KATNA1: variants seen among roughly 807,000 people sequenced by gnomAD.
KATNA1 encodes the protein katanin p60 ATPase-containing subunit A1.
A neutral mutation model predicts 62.6 loss-of-function variants in KATNA1; 42 were observed. The observed-to-expected ratio is 0.67, with a 90% CI of 0.52 to 0.87. The LOEUF (loss-of-function observed/expected upper bound fraction) is 0.87. KATNA1 is among the 40% of genes least tolerant of loss of function. The pLI, the probability that KATNA1 is intolerant of heterozygous loss-of-function variation, is 0.00. For missense variants in KATNA1, 498 were observed against 612.5 expected (o/e 0.81, Z 1.97); for synonymous variants, 186 against 201.9 (o/e 0.92, Z 0.67).
intron 3 of KATNA1, chr6:149,631,304 CAGG>C (rs1263796257): frequency 6.6e-6 from 1 of 152,114 alleles, no homozygotes; most frequent in African/African-American, 2.4e-5. Flanking sequence ...GGGGTTGAGG[CAGG>C]AGAATTGCTT....
rs549370475 is a variant in KATNA1 at position 149,606,799 on chromosome 6, T to C, written c.502-2017A>G. On this transcript the variant is annotated intron_variant, in intron 4 of 10. Transcript: ENST00000367411. ...ATGCCTGGCTAACTTTTTATATTTTTAGTAGAGATGGGGTTTCACCATGTC... is the reference window on the plus strand; with the variant it reads ...ATGCCTGGCTAACTTTTTATATTTTCAGTAGAGATGGGGTTTCACCATGTC... 3.3e-5 allele frequency among the ~76,000 whole-genome samples: 5 copies of C among 152,162 alleles called. No individual in the cohort carries two copies. The South Asian group carries it at 1.0e-3, about 32-fold the overall frequency.
At chr6:149,613,096 C>T (rs906267928) in intron 4 of KATNA1, among the ~76,000 whole-genome samples, 8 of 138,350 alleles carry the variant, frequency 5.8e-5, no homozygotes, top group Non-Finnish European at 1.2e-4. Context: ...AGGAGAATGG[C>T]GTGAACCCGG....
At chr6:149,610,519 A>G (rs1778910689) in intron 4 of KATNA1, among the ~76,000 whole-genome samples, 1 of 152,186 alleles carries the variant, frequency 6.6e-6, no homozygotes, top group Non-Finnish European at 1.5e-5. Context: ...TCAAAGCACA[A>G]AAGATTCAAA....
intron 1 of KATNA1, among the ~76,000 whole-genome samples, chr6:149,644,390 G>A (rs920639122): frequency 6.6e-6 from 1 of 152,004 alleles, no homozygotes; most frequent in African/African-American, 2.4e-5. Flanking sequence ...GGGTGCCAAG[G>A]TGGGAGGATT....
chr6:149,622,788 T>C (rs999373635), intron 4 of KATNA1, among the ~76,000 whole-genome samples: 3 of 150,088 alleles, frequency 2.0e-5, no homozygotes, highest in African/African-American at 4.9e-5. Context: ...GGCGCGCAGA[T>C]AACCTGAGGT....
rs1778407467 is a variant in KATNA1 at position 149,598,355 on chromosome 6, A to G, written c.889-5T>C. 2 of 1,613,236 alleles carry G rather than the reference A, an allele frequency of 1.2e-6. No homozygotes were observed. Among genetic ancestry groups the G allele is most frequent in the East Asian group, 4.5e-5 (2 of 44,872 alleles). ...GGCTGGAGAATAAAATCGAGCCTAA[A>G]GGAAGAAACCATGCAATATCAAGCT... is the stretch of plus-strand genomic sequence containing the variant. On this transcript the variant is annotated splice_polypyrimidine_tract_variant and splice_region_variant and intron_variant, in intron 7 of 10. Transcript: ENST00000367411.
chr6:149,624,717 C>T (rs1423667442), intron 3 of KATNA1, among the ~76,000 whole-genome samples: 6 of 151,986 alleles, frequency 3.9e-5, no homozygotes, highest in African/African-American at 1.4e-4. Context: ...ATTCAGACTT[C>T]TCAAATATCT....
chr6:149,616,124 A>T (rs959153724), intron 4 of KATNA1, among the ~76,000 whole-genome samples: 2 of 152,204 alleles, frequency 1.3e-5, no homozygotes, highest in African/African-American at 4.8e-5. Flanking sequence ...CAAGATGAAG[A>T]GATCTGAAAA....
In KATNA1 at chr6:149,623,399, G is replaced by A. The variant is rs896750427; in HGVS notation, c.321-116C>T. ...AAGCCAATGCAACAACTGAACACAA[G>A]ACACGACTGAATAAACTTCAGGATG... On this transcript the variant is annotated intron_variant, in intron 3 of 10. Transcript: ENST00000367411. 3 of 649,358 alleles carry A rather than the reference G, an allele frequency of 4.6e-6. No homozygotes were observed. In the African/African-American group the frequency reaches 5.6e-5, roughly 12 times the overall value. The allele number at this position is 649,358 out of a possible 1,614,324, so 40.2% of individuals were successfully genotyped here.
chr6:149,645,498 T>TGTAA (rs1780452806), intron 1 of KATNA1, among the ~76,000 whole-genome samples: 1 of 148,468 alleles, frequency 6.7e-6, no homozygotes, highest in Non-Finnish European at 1.5e-5. Flanking sequence ...ACTGACTCAG[T>TGTAA]GTAAGCACCA....
intron 3 of KATNA1, among the ~76,000 whole-genome samples, chr6:149,628,372 G>A (rs1489017006): frequency 2.7e-5 from 4 of 150,420 alleles, no homozygotes; most frequent in African/African-American, 9.8e-5. Context: ...ACCTCCCAAA[G>A]TGCTGGGATT....
Position 149,620,935 on chromosome 6 carries a change from A to C in KATNA1, c.501+2168T>G, listed in dbSNP as rs9498388. ...GAAATAGCTGATTCAGACAAGAATCACTGGGTGCTAAAACTAGCAGATGAG... is the reference window on the plus strand; with the variant it reads ...GAAATAGCTGATTCAGACAAGAATCCCTGGGTGCTAAAACTAGCAGATGAG... On this transcript the variant is annotated intron_variant, in intron 4 of 10. Coordinates refer to ENST00000367411, the MANE Select transcript of KATNA1 (RefSeq NM_007044.4). Among the ~76,000 whole-genome samples, 815 of 152,298 alleles carry C rather than the reference A, an allele frequency of 5.4e-3. 7 individuals carry two copies. Among genetic ancestry groups the C allele is most frequent in the African/African-American group, 0.018 (751 of 41,566 alleles).
chr6:149,646,188 C>T (rs1421668081), intron 1 of KATNA1, among the ~76,000 whole-genome samples: 2 of 151,872 alleles, frequency 1.3e-5, no homozygotes, highest in African/African-American at 4.8e-5. Flanking sequence ...CAGAATTAGA[C>T]CTTGAAATCC....
At chr6:149,629,684 T>TACTC (rs10623793) in intron 3 of KATNA1, among the ~76,000 whole-genome samples, 68,503 of 151,434 alleles carry the variant, frequency 0.45, 16,593 homozygotes, top group East Asian at 0.81. Flanking sequence ...GAAAAATTTT[T>TACTC]ACAACCATTC....
Position 149,626,973 on chromosome 6 carries a change from G to A in KATNA1, c.321-3690C>T, listed in dbSNP as rs531956809. On this transcript the variant is annotated intron_variant, in intron 3 of 10. Coordinates refer to ENST00000367411, the MANE Select transcript of KATNA1 (RefSeq NM_007044.4). ...CACTCCAGCCTGGGCAACAGAGTGAGACTCCATCTTAAAAAATAATAATAA... is the reference window on the plus strand; with the variant it reads ...CACTCCAGCCTGGGCAACAGAGTGAAACTCCATCTTAAAAAATAATAATAA... 6.6e-5 allele frequency among the ~76,000 whole-genome samples: 10 copies of A among 152,014 alleles called. 1 individual carries two copies. In the East Asian group the frequency reaches 1.9e-3, roughly 29 times the overall value.
At chr6:149,599,588 T>C (rs113041239) in intron 7 of KATNA1, among the ~76,000 whole-genome samples, 29 of 110,088 alleles carry the variant, frequency 2.6e-4, no homozygotes, top group Non-Finnish European at 4.9e-4. Flanking sequence ...CCCCTCTCCC[T>C]CTCTCTGTAA....
At chr6:149,640,211 T>C (rs1461904788) in intron 1 of KATNA1, among the ~76,000 whole-genome samples, 1 of 152,160 alleles carries the variant, frequency 6.6e-6, no homozygotes, top group Non-Finnish European at 1.5e-5. Context: ...CCATGAAACT[T>C]TCTATATATG....
chr6:149,595,275 T>C (rs1778258033), intron 10 of KATNA1, 41 bp from the exon 11 acceptor site: 1 of 1,540,310 alleles, frequency 6.5e-7, no homozygotes, highest in Non-Finnish European at 8.9e-7. Context: ...CACACAATGT[T>C]ACTTTGGTTA....
At chr6:149,611,028 G>A (rs982730598) in intron 4 of KATNA1, among the ~76,000 whole-genome samples, 3 of 152,194 alleles carry the variant, frequency 2.0e-5, no homozygotes, top group African/African-American at 7.2e-5. Context: ...GTTGCAGTGA[G>A]CCAAGACTGC....
Sources: allele counts gnomAD v4.1 joint callset (sites outside exome capture counted in the v4.1 genomes callset), GRCh38; gene constraint gnomAD v4.1.1; transcripts MANE v1.5; gene names NCBI Gene and HGNC (gene_info 2026-07-23, HGNC 2026-07-21).